DNAJC10: variants seen among roughly 807,000 people sequenced by gnomAD.
DNAJC10 encodes the protein endoplasmic reticulum disulfide reductase DNAJC10.
A neutral mutation model predicts 115.0 loss-of-function variants in DNAJC10; 101 were observed. The observed-to-expected ratio is 0.88, with a 90% CI of 0.75 to 1.04. The LOEUF is 1.04. DNAJC10 is among the 50% of genes least tolerant of loss of function. The probability of loss-of-function intolerance (pLI) is 0.00; values close to 1 mark genes in which losing one functional copy is unlikely to be tolerated. For missense variants in DNAJC10, 981 were observed against 928.8 expected (o/e 1.06, Z -0.73); for synonymous variants, 307 against 301.5 (o/e 1.02, Z -0.19).
chr2:182,759,261 G>A lies in DNAJC10; in HGVS notation c.2099G>A (p.Cys700Tyr), dbSNP rs777292606. 5.0e-6 allele frequency: 8 copies of A among 1,611,046 alleles called. No homozygotes were observed. In the East Asian group the frequency reaches 6.7e-5, roughly 13 times the overall value. ...HWVIDFYAPW[C>Y]GPCQNFAPEF... ...GTGATTGATTTCTATGCTCCTTGGT[G>A]TGGACCTTGCCAGAATTTTGCTCCA... The change falls in exon 21 of 24, where the codon TGT (cysteine) becomes TAT (tyrosine). Residue 700 changes from cysteine to tyrosine, a missense_variant. Cys to Tyr is a radical substitution (Grantham distance 194, BLOSUM62 -2). Transcript: ENST00000264065.
chr2:182,739,043 T>C (rs1237556348), intron 11 of DNAJC10, among the ~76,000 whole-genome samples: 1 of 151,720 alleles, frequency 6.6e-6, no homozygotes, highest in East Asian at 1.9e-4. Flanking sequence ...AGTAAAAGTC[T>C]TCATAGTGAA....
chr2:182,753,999 C>T (rs1360292765), intron 16 of DNAJC10, among the ~76,000 whole-genome samples: 4 of 152,178 alleles, frequency 2.6e-5, no homozygotes, highest in Non-Finnish European at 5.9e-5. Flanking sequence ...TCACTACTCA[C>T]CAATTAGTTG....
At position 182,738,742 on chromosome 2, in the gene DNAJC10, G is replaced by A. The variant is rs181209649; in HGVS notation, c.988-1557G>A. Among the ~76,000 whole-genome samples, 117 of 152,114 alleles carry A rather than the reference G, an allele frequency of 7.7e-4. 1 individual carries two copies. Among genetic ancestry groups the A allele is most frequent in the East Asian group, 1.9e-3 (10 of 5,144 alleles). On this transcript the variant is annotated intron_variant, in intron 11 of 23. Coordinates refer to ENST00000264065, the MANE Select transcript of DNAJC10 (RefSeq NM_018981.4). ...TTTTTGGTAGAGACGGGGTTTCACCGTGTTAGCCAGGATGGTCTCGATCTC... is the reference window on the plus strand; with the variant it reads ...TTTTTGGTAGAGACGGGGTTTCACCATGTTAGCCAGGATGGTCTCGATCTC...
At chr2:182,729,801 TAAAAAG>T (rs758346730) in intron 7 of DNAJC10, 41 bp from the exon 8 acceptor site, 1 of 1,314,612 alleles carries the variant, frequency 7.6e-7, no homozygotes, top group Non-Finnish European at 1.1e-6. Context: ...TATTGAGTTT[TAAAAAG>T]AAAAAGTAAA....
Position 182,781,650 on chromosome 2 carries a change from G to A in DNAJC10, c.*4518G>A, listed in dbSNP as rs1367230485. On this transcript the variant is annotated 3_prime_UTR_variant, in exon 24 of 24. Coordinates refer to ENST00000264065, the MANE Select transcript of DNAJC10 (RefSeq NM_018981.4). ...GTTGTTTCCTCACTTTTTAATGATCGCCATTCTAACTGATGTGACATGGTA... is the reference window on the plus strand; with the variant it reads ...GTTGTTTCCTCACTTTTTAATGATCACCATTCTAACTGATGTGACATGGTA... 5.3e-5 allele frequency: 8 copies of A among 151,932 alleles called. No individual in the cohort carries two copies. The highest frequency in any genetic ancestry group is 2.0e-4 in the Admixed American group (3 of 15,236). 9.4% of individuals were successfully genotyped at this position (151,932 alleles called of 1,614,324 possible). A position where few individuals can be genotyped will look rare whatever the true frequency, so the allele number is the denominator to read the frequency against.
At chr2:182,719,901 A>T in intron 3 of DNAJC10, 106 bp from the exon 4 acceptor site, 1 of 563,412 alleles carries the variant, frequency 1.8e-6, no homozygotes, top group Non-Finnish European at 3.0e-6. Context: ...ATGTTGGTAT[A>T]TGGTCTCCCA....
At position 182,784,301 on chromosome 2, in the gene DNAJC10, G is replaced by A. The variant is rs1461566489; in HGVS notation, c.*7169G>A. On this transcript the variant is annotated 3_prime_UTR_variant, in exon 24 of 24. Transcript: ENST00000264065. Reference sequence around the variant, plus strand: ...ATCACACCACTGCCCTCCAGCCTGGGTGACGGAGTAAGACCCTGTCTAAAA... The same window carrying A: ...ATCACACCACTGCCCTCCAGCCTGGATGACGGAGTAAGACCCTGTCTAAAA... The A allele has an allele frequency of 6.6e-6, 1 of 151,984 alleles. No homozygotes were observed. The highest frequency in any genetic ancestry group is 1.5e-5 in the Non-Finnish European group (1 of 68,024). The allele number at this position is 151,984 out of a possible 1,614,324, so 9.4% of individuals were successfully genotyped here. A position where few individuals can be genotyped will look rare whatever the true frequency, so the allele number is the denominator to read the frequency against.
chr2:182,772,165 T>G (rs1021688407), intron 22 of DNAJC10, among the ~76,000 whole-genome samples: 1 of 152,252 alleles, frequency 6.6e-6, no homozygotes, highest in African/African-American at 2.4e-5. Flanking sequence ...CTAATTTGAT[T>G]GCACTGTGGT....
At chr2:182,743,554 G>T (rs200506007) in intron 13 of DNAJC10, 44 bp from the exon 14 acceptor site, 50 of 1,365,892 alleles carry the variant, frequency 3.7e-5, no homozygotes, top group Non-Finnish European at 4.7e-5. Flanking sequence ...AAATCAAATG[G>T]GTAAGACAGT....
chr2:182,757,559 T>C, intron 18 of DNAJC10, 133 bp from the exon 19 acceptor site: 1 of 604,396 alleles, frequency 1.7e-6, no homozygotes. Flanking sequence ...TGTTAAACCC[T>C]TATCCATTTT....
At position 182,790,018 on chromosome 2, in the gene DNAJC10, C is replaced by T. The variant is rs1695021293; in HGVS notation, c.*12886C>T. On this transcript the variant is annotated 3_prime_UTR_variant, in exon 24 of 24. Transcript: ENST00000264065. ...TTTCCCATTTGGATGCCCTTTTCAT[C>T]CTTCACCTCATCCTGTAAACCCAAA... 6.6e-6 allele frequency: 1 copy of T among 152,116 alleles called. No individual in the cohort carries two copies. Among genetic ancestry groups the T allele is most frequent in the African/African-American group, 2.4e-5 (1 of 41,428 alleles). 9.4% of individuals were successfully genotyped at this position (152,116 alleles called of 1,614,324 possible).
intron 6 of DNAJC10, 69 bp downstream of exon 6, chr2:182,728,727 T>C: frequency 6.6e-7 from 1 of 1,506,558 alleles, no homozygotes; most frequent in Non-Finnish European, 9.1e-7. Flanking sequence ...TGTTAGAATT[T>C]TTTTTTCTAT....
At chr2:182,739,233 T>TA (rs1693668497) in intron 11 of DNAJC10, among the ~76,000 whole-genome samples, 3 of 146,856 alleles carry the variant, frequency 2.0e-5, no homozygotes, top group South Asian at 2.1e-4. Context: ...CTCATATATA[T>TA]TTATATATAT....
chr2:182,740,124 G>T (rs1164872686), intron 11 of DNAJC10, 175 bp from the exon 12 acceptor site: 8 of 1,127,966 alleles, frequency 7.1e-6, no homozygotes, highest in Non-Finnish European at 9.0e-6. Flanking sequence ...TAATATTTTT[G>T]ATAATTGCCA....
intron 11 of DNAJC10, among the ~76,000 whole-genome samples, chr2:182,739,299 T>A (rs1026712980): frequency 2.0e-5 from 3 of 149,576 alleles, no homozygotes; most frequent in Admixed American, 1.3e-4. Flanking sequence ...GGAAAAAACC[T>A]GAATTTTTAT....
chr2:182,757,094 C>G (rs1694176359), intron 18 of DNAJC10, among the ~76,000 whole-genome samples: 2 of 152,012 alleles, frequency 1.3e-5, no homozygotes, highest in Non-Finnish European at 2.9e-5. Flanking sequence ...GAAAAAAAAG[C>G]TTTCAGCATG....
chr2:182,767,166 C>A (rs765280557), intron 22 of DNAJC10, among the ~76,000 whole-genome samples: 1 of 152,076 alleles, frequency 6.6e-6, no homozygotes, highest in Non-Finnish European at 1.5e-5. Context: ...AGATAATGGG[C>A]GATCTGGTGG....
Position 182,785,076 on chromosome 2 carries a change from G to C in DNAJC10, c.*7944G>C, listed in dbSNP as rs1055247677. 6.6e-6 allele frequency: 1 copy of C among 152,100 alleles called. No homozygotes were observed. Among genetic ancestry groups the C allele is most frequent in the Non-Finnish European group, 1.5e-5 (1 of 68,014 alleles). 9.4% of individuals were successfully genotyped at this position (152,100 alleles called of 1,614,324 possible). A position where few individuals can be genotyped will look rare whatever the true frequency, so the allele number is the denominator to read the frequency against. On this transcript the variant is annotated 3_prime_UTR_variant, in exon 24 of 24. Coordinates refer to ENST00000264065, the MANE Select transcript of DNAJC10 (RefSeq NM_018981.4). The stretch of plus-strand genomic sequence containing the variant: ...AAAAGTATTTCGCATCCAAAAGTTT[G>C]TAATCTAGTGTAATAAATAGGACAG...
intron 22 of DNAJC10, among the ~76,000 whole-genome samples, chr2:182,772,213 T>C (rs1283239884): frequency 6.6e-6 from 1 of 152,220 alleles, no homozygotes; most frequent in Non-Finnish European, 1.5e-5. Flanking sequence ...TTGTTTTACA[T>C]TTGCTGAGGA....
Sources: allele counts gnomAD v4.1 joint callset (sites outside exome capture counted in the v4.1 genomes callset), GRCh38; gene constraint gnomAD v4.1.1; transcripts MANE v1.5; gene names NCBI Gene and HGNC (gene_info 2026-07-23, HGNC 2026-07-21).